The following ADAMTSL5 variants were observed in gnomAD, a reference collection of about 807,000 sequenced individuals.
The protein encoded by ADAMTSL5 is ADAMTS-like protein 5.
In ADAMTSL5, 53 loss-of-function variants were observed where a neutral mutation model predicts 51.7. That is an observed-to-expected ratio of 1.03 (90% CI 0.82 to 1.29). The LOEUF (loss-of-function observed/expected upper bound fraction) is 1.29. Among genes scored for constraint, ADAMTSL5 ranks in the 50% most tolerant of loss-of-function variants. ADAMTSL5 has a pLI of 0.00. For synonymous variants in ADAMTSL5, 285 were observed against 278.7 expected, an observed-to-expected ratio of 1.02 and a Z score of -0.23; for missense variants, 770 against 676.2, an observed-to-expected ratio of 1.14 and a Z score of -1.54.
At chr19:1,507,208 A>AC in intron 9 of ADAMTSL5, 34 bp downstream of exon 9, 1 of 1,505,132 alleles carries the variant, frequency 6.6e-7, no homozygotes, top group Non-Finnish European at 8.9e-7. Context: ...TCCCCAGCCG[A>AC]CCCCCTCTGA....
chr19:1,507,990 G>A lies in ADAMTSL5; in HGVS notation c.601+8C>T. On this transcript the variant is annotated splice_region_variant and intron_variant, in intron 7 of 11. Coordinates refer to ENST00000330475, the MANE Select transcript of ADAMTSL5 (RefSeq NM_213604.3). ...CGTGTGTGCAGGGAGGGCGGGGCAG[G>A]TAGTCACCGGCGTCACGAAACACGC... 6.3e-7 allele frequency: 1 copy of A among 1,583,970 alleles called. No homozygotes were observed. The highest frequency in any genetic ancestry group is 1.1e-5 in the South Asian group (1 of 87,452).
rs145681719 is a variant in ADAMTSL5 at position 1,510,200 on chromosome 19, C to T, written c.311G>A (p.Arg104His). The change falls in exon 5 of 12, where the codon CGC (arginine) becomes CAC (histidine). Residue 104 changes from arginine (R) to histidine (H), a missense_variant. By Grantham distance (29) the Arg-to-His change is conservative. Coordinates refer to ENST00000330475, the MANE Select transcript of ADAMTSL5 (RefSeq NM_213604.3). ...GGTCTTCTGGGTGCCCAGGACAGGG[C>T]GGCCATTGTACAGGGCACACTGTAG... The part of the protein sequence containing the change: ...RDLQCALYNG[R>H]PVLGTQKTYQ... The T allele has an allele frequency of 2.7e-5, 44 of 1,613,102 alleles. No homozygotes were observed. The highest frequency in any genetic ancestry group is 1.7e-4 in the African/African-American group (13 of 75,020).
In ADAMTSL5 at chr19:1,508,104, G is replaced by A. The variant is rs765348119; in HGVS notation, c.495C>T (p.Ala165=). The A allele has an allele frequency of 9.3e-6, 15 of 1,608,442 alleles. No individual in the cohort carries two copies. In the South Asian group the frequency reaches 1.3e-4, roughly 14 times the overall value. The change falls in exon 7 of 12, where the codon GCC becomes GCT. Residue 165 remains alanine, a synonymous_variant. Coordinates refer to ENST00000330475, the MANE Select transcript of ADAMTSL5 (RefSeq NM_213604.3). ...CCGAGCCCAACAACCCATCACAGCC[G>A]GCGCTCTAAAGGGTGAAGGACAGGC... ...GVCVAGRCLS[A]GCDGLLGSGA...
chr19:1,510,821 C>G, intron 2 of ADAMTSL5, 24 bp downstream of exon 2: 1 of 1,521,022 alleles, frequency 6.6e-7, no homozygotes, highest in Non-Finnish European at 8.8e-7. Flanking sequence ...ACTCGCCACC[C>G]CCTGGGCTCA....
rs755527781 is a variant in ADAMTSL5, at chr19:1,506,307, G to T, written c.1124C>A (p.Ala375Asp). The change falls in exon 12 of 12, where the codon GCC (alanine) becomes GAC (aspartate). Residue 375 changes from alanine to aspartate, a missense_variant. Transcript: ENST00000330475. This position sits in a 1 kb window ranked among gnomAD's most constrained non-coding sequence, Gnocchi z 5.6. ...CTGGTGGTGGTGGCCCAGCACTCGG[G>T]CCTGGAACACTGTTGAGGGGACGTG... The part of the protein sequence containing the change: ...HYCGSDFVFQ[A>D]RVLGHHHQAQ... 2.6e-6 allele frequency: 4 copies of T among 1,547,502 alleles called. No individual in the cohort carries two copies. The South Asian group carries it at 3.7e-5, about 14-fold the overall frequency.
Position 1,510,182 on chromosome 19 carries a change from T to C in ADAMTSL5, c.329A>G (p.Gln110Arg), listed in dbSNP as rs1913183122. 1 of 1,612,690 alleles carries C rather than the reference T, an allele frequency of 6.2e-7. No individual in the cohort carries two copies. Among genetic ancestry groups the C allele is most frequent in the Admixed American group, 1.7e-5 (1 of 59,952 alleles). Residue 110 changes from glutamine to arginine, a missense_variant, in exon 5 of 12, where the codon CAG becomes CGG. Gln to Arg is a conservative substitution (Grantham distance 43). Transcript: ENST00000330475. Reference sequence around the variant, plus strand: ...GAAGGGCACCCACTGGTAGGTCTTCTGGGTGCCCAGGACAGGGCGGCCATT... The same window carrying C: ...GAAGGGCACCCACTGGTAGGTCTTCCGGGTGCCCAGGACAGGGCGGCCATT... ...LYNGRPVLGT[Q>R]KTYQWVPFHG...
At position 1,507,320 on chromosome 19, in the gene ADAMTSL5, A is replaced by G. The variant is rs756506052; in HGVS notation, c.774T>C (p.His258=). Residue 258 remains histidine (H), a synonymous_variant, in exon 9 of 12, where the codon CAT becomes CAC. Transcript: ENST00000330475. ...PPGTYEAAGT[H]VVYTRDTGPQ... ...GCCCTGTGTCTCGGGTGTAGACCAC[A>G]TGCGTGCCGGCCGCCTCGTAGGTCC... 2.7e-5 allele frequency: 43 copies of G among 1,595,442 alleles called. No homozygotes were observed. The South Asian group carries it at 4.8e-4, about 18-fold the overall frequency.
chr19:1,506,372 G>A lies in ADAMTSL5; in HGVS notation c.1115-56C>T, dbSNP rs1451483886. 22 of 1,526,148 alleles carry A rather than the reference G, an allele frequency of 1.4e-5. No homozygotes were observed. The highest frequency in any genetic ancestry group is 5.5e-5 in the African/African-American group (4 of 72,578). 94.5% of individuals were successfully genotyped at this position (1,526,148 alleles called of 1,614,324 possible). A position where few individuals can be genotyped will look rare whatever the true frequency, so the allele number is the denominator to read the frequency against. On this transcript the variant is annotated intron_variant, in intron 11 of 11. Transcript: ENST00000330475. This position sits in a 1 kb window ranked among gnomAD's most constrained non-coding sequence, Gnocchi z 5.6. ...TGCTCAACTCTGCGCAAATCTCTAC[G>A]CCCCCTCCCTTGCCAGAAGAGGGAC...
chr19:1,512,392 G>T (rs556747418), intron 1 of ADAMTSL5, among the ~76,000 whole-genome samples: 1 of 152,142 alleles, frequency 6.6e-6, no homozygotes, highest in African/African-American at 2.4e-5. Flanking sequence ...TAAAACAAGG[G>T]GAGGGGGGCC....
chr19:1,511,848 G>A (rs1913279082), intron 1 of ADAMTSL5: 2 of 322,304 alleles, frequency 6.2e-6, no homozygotes, highest in Admixed American at 3.9e-5. Context: ...CCCCGGATTG[G>A]GGATGGGACA....
At chr19:1,512,092 A>G (rs539933047) in intron 1 of ADAMTSL5, among the ~76,000 whole-genome samples, 192 of 151,918 alleles carry the variant, frequency 1.3e-3, no homozygotes, top group Non-Finnish European at 2.1e-3. Context: ...GCAGGGGGAA[A>G]GAGGGGGGAA....
intron 3 of ADAMTSL5, 86 bp from the exon 4 acceptor site, chr19:1,510,514 C>A (rs535571856): frequency 3.3e-6 from 5 of 1,508,810 alleles, no homozygotes; most frequent in Non-Finnish European, 3.6e-6. Context: ...CAACCCCACC[C>A]GCATTCCAGC....
Position 1,507,984 on chromosome 19 carries a change from G to C in ADAMTSL5, c.601+14C>G, listed in dbSNP as rs1274020041. 6.3e-7 allele frequency: 1 copy of C among 1,577,960 alleles called. No homozygotes were observed. Among genetic ancestry groups the C allele is most frequent in the African/African-American group, 1.3e-5 (1 of 74,226 alleles). On this transcript the variant is annotated intron_variant, in intron 7 of 11. Transcript: ENST00000330475. ...CTCTGACGTGTGTGCAGGGAGGGCG[G>C]GGCAGGTAGTCACCGGCGTCACGAA...
chr19:1,505,076 G>C lies in ADAMTSL5; in HGVS notation c.*939C>G, dbSNP rs1465009578. ...TTGTAAAAATTAAAGAGGAATAAAA[G>C]GGGGGTGAACAGCCAGTACGATAGT... On this transcript the variant is annotated 3_prime_UTR_variant, in exon 12 of 12. Coordinates refer to ENST00000330475, the MANE Select transcript of ADAMTSL5 (RefSeq NM_213604.3). The C allele has an allele frequency of 6.6e-6, 1 of 152,064 alleles. No homozygotes were observed. Among genetic ancestry groups the C allele is most frequent in the Non-Finnish European group, 1.5e-5 (1 of 68,020 alleles). 9.4% of individuals were successfully genotyped at this position (152,064 alleles called of 1,614,324 possible). A position where few individuals can be genotyped will look rare whatever the true frequency, so the allele number is the denominator to read the frequency against.
Position 1,505,871 on chromosome 19 carries a change from T to C in ADAMTSL5, c.*144A>G, listed in dbSNP as rs1912889281. 2 of 1,072,706 alleles carry C rather than the reference T, an allele frequency of 1.9e-6. No homozygotes were observed. The highest frequency in any genetic ancestry group is 6.4e-5 in the Admixed American group (2 of 31,244). 66.4% of individuals were successfully genotyped at this position (1,072,706 alleles called of 1,614,324 possible). A position where few individuals can be genotyped will look rare whatever the true frequency, so the allele number is the denominator to read the frequency against. On this transcript the variant is annotated 3_prime_UTR_variant, in exon 12 of 12. Transcript: ENST00000330475. ...ACTGCATGCAGAGGTGTCTTAAGCG[T>C]GTGTGGGAGGGAGTCACATAGCTGC...
rs202111135 is a variant in ADAMTSL5, at chr19:1,507,886, A to AG, written c.601+111dup. ...CAGTAGCCAATCAGGATGAGGAGAA[A>AG]GGGGGGCTGGGCCGCACACTGGCCA... On this transcript the variant is annotated intron_variant, in intron 7 of 11. Transcript: ENST00000330475. 734 of 1,236,210 alleles carry AG rather than the reference A, an allele frequency of 5.9e-4. 3 individuals are homozygous for AG. The East Asian group carries it at 0.013, about 23-fold the overall frequency. 76.6% of individuals were successfully genotyped at this position (1,236,210 alleles called of 1,614,324 possible).
At chr19:1,507,051 C>G in intron 9 of ADAMTSL5, 123 bp from the exon 10 acceptor site, 1 of 1,307,218 alleles carries the variant, frequency 7.6e-7, no homozygotes, top group Non-Finnish European at 1.0e-6. Context: ...TCCTCTGATG[C>G]TCTGTCCCTA....
intron 7 of ADAMTSL5, 24 bp downstream of exon 7, chr19:1,507,974 A>G: frequency 6.4e-7 from 1 of 1,569,010 alleles, no homozygotes; most frequent in Non-Finnish European, 8.6e-7. Context: ...ACGTGTGTGC[A>G]GGGAGGGCGG....
In ADAMTSL5 at chr19:1,508,461, G is replaced by A. The variant is rs746711095; in HGVS notation, c.471C>T (p.Cys157=). ...TACSPGAQGV[C]VAGRCLSAGC... is the part of the protein sequence containing the mutation. ...TCCTTACAAGGCAGCGGCCAGCCACGCAGACCCCCTGGGCACCCGGGCTGC... is the reference window on the plus strand; with the variant it reads ...TCCTTACAAGGCAGCGGCCAGCCACACAGACCCCCTGGGCACCCGGGCTGC... Residue 157 remains cysteine (C), a synonymous_variant, in exon 6 of 12, where the codon TGC becomes TGT. Transcript: ENST00000330475. 3.8e-6 allele frequency: 6 copies of A among 1,569,894 alleles called. No homozygotes were observed. Among genetic ancestry groups the A allele is most frequent in the Admixed American group, 3.6e-5 (2 of 56,182 alleles).
Sources: allele counts gnomAD v4.1 joint callset (sites outside exome capture counted in the v4.1 genomes callset), GRCh38; gene constraint gnomAD v4.1.1; non-coding constraint Gnocchi (gnomAD v3.1); transcripts MANE v1.5; gene names NCBI Gene and HGNC (gene_info 2026-07-23, HGNC 2026-07-21).